The following MARCHF3 variants were observed in gnomAD, a reference collection of about 807,000 sequenced individuals.
The protein encoded by MARCHF3 is E3 ubiquitin-protein ligase MARCHF3.
A neutral mutation model predicts 24.2 loss-of-function variants in MARCHF3; 13 were observed. The ratio of observed to expected loss-of-function variants is 0.54; its 90% CI spans 0.35 to 0.85. The LOEUF is 0.85. Ranked by LOEUF, MARCHF3 falls within the 40% of genes least tolerant of loss-of-function variation. The pLI is 0.01. For synonymous variants in MARCHF3, 144 were observed against 137.3 expected (o/e 1.05, Z -0.34); for missense variants, 276 against 325.0 (o/e 0.85, Z 1.16).
At chr5:127,022,702 G>A (rs965430303) in intron 1 of MARCHF3, among the ~76,000 whole-genome samples, 2 of 152,148 alleles carry the variant, frequency 1.3e-5, no homozygotes, top group Admixed American at 1.3e-4. Context: ...GCAGAAACAG[G>A]TACTCCTGAT....
chr5:127,007,598 G>T (rs1038318098), intron 1 of MARCHF3, among the ~76,000 whole-genome samples: 1 of 151,990 alleles, frequency 6.6e-6, no homozygotes, highest in Non-Finnish European at 1.5e-5. Context: ...CTACAATTTT[G>T]AGATTTGGGG....
intron 1 of MARCHF3, among the ~76,000 whole-genome samples, chr5:127,013,848 T>C (rs572500186): frequency 3.3e-5 from 5 of 152,230 alleles, no homozygotes; most frequent in Middle Eastern, 3.4e-3. Context: ...TGGATATCCA[T>C]ATGCAGAAGA....
intron 3 of MARCHF3, among the ~76,000 whole-genome samples, chr5:126,889,204 T>C (rs1256086719): frequency 6.6e-6 from 1 of 152,162 alleles, no homozygotes; most frequent in Non-Finnish European, 1.5e-5. Context: ...TCTGGGTTTC[T>C]GAACATTTGA....
chr5:126,901,172 A>C (rs146988084), intron 3 of MARCHF3, among the ~76,000 whole-genome samples: 1 of 152,118 alleles, frequency 6.6e-6, no homozygotes, highest in African/African-American at 2.4e-5. Flanking sequence ...ATGATTATAT[A>C]AAGTGTATAC....
intron 1 of MARCHF3, among the ~76,000 whole-genome samples, chr5:126,959,587 T>A (rs1466026204): frequency 6.6e-6 from 1 of 152,138 alleles, no homozygotes; most frequent in Non-Finnish European, 1.5e-5. Context: ...AATGCATCAA[T>A]CTTGGTCCTT....
intron 1 of MARCHF3, among the ~76,000 whole-genome samples, chr5:126,923,376 A>T (rs1023237918): frequency 9.2e-5 from 14 of 152,224 alleles, no homozygotes; most frequent in African/African-American, 3.1e-4. Context: ...TCTTAGATGG[A>T]GGTCAAGAAG....
At chr5:126,958,989 G>A (rs953383876) in intron 1 of MARCHF3, among the ~76,000 whole-genome samples, 6 of 152,108 alleles carry the variant, frequency 3.9e-5, no homozygotes, top group African/African-American at 1.4e-4. Flanking sequence ...TAAATAAAGG[G>A]GAAGGGGGAG....
intron 1 of MARCHF3, among the ~76,000 whole-genome samples, chr5:127,009,923 CT>C (rs1407759658): frequency 3.3e-5 from 5 of 152,154 alleles, no homozygotes; most frequent in Non-Finnish European, 5.9e-5. Flanking sequence ...ATTTCCCTGC[CT>C]ACAAGAAGGA....
At chr5:126,973,564 A>G (rs913181671) in intron 1 of MARCHF3, among the ~76,000 whole-genome samples, 1 of 152,220 alleles carries the variant, frequency 6.6e-6, no homozygotes, top group Admixed American at 6.5e-5. Context: ...CAATTGCAGA[A>G]GTGCAGAGGG....
intron 1 of MARCHF3, among the ~76,000 whole-genome samples, chr5:126,956,673 C>CAAAAAAA (rs1410549848): frequency 7.8e-6 from 1 of 128,102 alleles, no homozygotes; most frequent in African/African-American, 3.3e-5. Context: ...AAAAAAAAAC[C>CAAAAAAA]AAAAAAACAA....
At chr5:126,874,401 A>G (rs1753075505) in intron 4 of MARCHF3, among the ~76,000 whole-genome samples, 1 of 152,114 alleles carries the variant, frequency 6.6e-6, no homozygotes, top group African/African-American at 2.4e-5. Flanking sequence ...TGCCTGACCA[A>G]CATGGAGAAA....
intron 3 of MARCHF3, among the ~76,000 whole-genome samples, chr5:126,897,809 A>G (rs979748848): frequency 6.6e-6 from 1 of 152,118 alleles, no homozygotes; most frequent in Non-Finnish European, 1.5e-5. Flanking sequence ...CAGGAGGAGT[A>G]TATTAAGGTA....
chr5:126,870,545 G>T lies in MARCHF3; in HGVS notation c.*88C>A. The T allele has an allele frequency of 7.9e-7, 1 of 1,258,970 alleles. No homozygotes were observed. The highest frequency in any genetic ancestry group is 1.1e-6 in the Non-Finnish European group (1 of 876,448). The allele number at this position is 1,258,970 out of a possible 1,614,324, so 78.0% of individuals were successfully genotyped here. A position where few individuals can be genotyped will look rare whatever the true frequency, so the allele number is the denominator to read the frequency against. On this transcript the variant is annotated 3_prime_UTR_variant, in exon 5 of 5. Transcript: ENST00000308660. ...TCTTAGACCCACAGGCTTAAGGAAG[G>T]GCTTGGGGGTCGCTCAGTGCATGAC...
intron 1 of MARCHF3, among the ~76,000 whole-genome samples, chr5:126,937,230 G>A (rs188234831): frequency 6.6e-6 from 1 of 152,314 alleles, no homozygotes; most frequent in African/African-American, 2.4e-5. Context: ...CCCACTTGGG[G>A]GCAGTCACAG....
chr5:127,029,630 C>T (rs143740867), intron 1 of MARCHF3, among the ~76,000 whole-genome samples: 1 of 152,304 alleles, frequency 6.6e-6, no homozygotes, highest in Non-Finnish European at 1.5e-5. Flanking sequence ...CAAACACCAA[C>T]CGACCAGGCT....
intron 1 of MARCHF3, among the ~76,000 whole-genome samples, chr5:126,940,313 AAG>A (rs1296343340): frequency 1.3e-5 from 2 of 152,226 alleles, no homozygotes; most frequent in African/African-American, 4.8e-5. Flanking sequence ...CCTCTTATCC[AAG>A]AGCAGATCAT....
chr5:126,975,583 G>T (rs73786249), intron 1 of MARCHF3, among the ~76,000 whole-genome samples: 1 of 152,082 alleles, frequency 6.6e-6, no homozygotes, highest in Admixed American at 6.5e-5. Context: ...CTCATCAGCC[G>T]CATTCTGCTA....
intron 1 of MARCHF3, among the ~76,000 whole-genome samples, chr5:126,937,449 G>A (rs1360908937): frequency 6.6e-6 from 1 of 152,118 alleles, no homozygotes; most frequent in Admixed American, 6.5e-5. Flanking sequence ...GCAATAATCT[G>A]CCAAATTTTA....
chr5:126,895,301 C>T (rs1422512514), intron 3 of MARCHF3, among the ~76,000 whole-genome samples: 1 of 152,160 alleles, frequency 6.6e-6, no homozygotes, highest in Non-Finnish European at 1.5e-5. Flanking sequence ...AAGCCTTCTT[C>T]TCTCAGCTCC....
Sources: gnomAD v4.1 joint callset for allele counts (sites outside exome capture counted in the v4.1 genomes callset) on GRCh38, gnomAD v4.1.1 for gene constraint, MANE v1.5 for transcripts, NCBI Gene and HGNC (gene_info 2026-07-23, HGNC 2026-07-21) for gene names.